NPRL3: variants seen among roughly 807,000 people sequenced by gnomAD.
NPRL3 encodes NPR3 like, GATOR1 complex subunit.
Under a neutral mutation model 57.2 loss-of-function variants are expected in NPRL3, and 23 were observed. That is an observed-to-expected ratio of 0.40 (90% CI 0.29 to 0.57). The LOEUF (loss-of-function observed/expected upper bound fraction) is 0.57. Among genes scored for constraint, NPRL3 ranks in the 20% least tolerant of loss-of-function variants. The probability of loss-of-function intolerance (pLI) is 0.42; values close to 1 mark genes in which losing one functional copy is unlikely to be tolerated. For missense variants in NPRL3, 691 were observed against 767.1 expected (o/e 0.90, Z 1.17); for synonymous variants, 333 against 321.1 (o/e 1.04, Z -0.39).
At chr16:115,800 C>G (rs1900007420) in intron 5 of NPRL3, among the ~76,000 whole-genome samples, 2 of 152,198 alleles carry the variant, frequency 1.3e-5, no homozygotes, top group East Asian at 1.9e-4. Flanking sequence ...TTGCTTTTAC[C>G]TGTCCGTAAT....
At chr16:89,315 G>A (rs565622187) in intron 12 of NPRL3, 52 of 265,544 alleles carry the variant, frequency 2.0e-4, no homozygotes, top group Admixed American at 1.1e-3. Flanking sequence ...CCTGGGGACC[G>A]GGGACCTGGG....
rs1426934964 is a variant in NPRL3 at position 85,656 on chromosome 16, C to G, written c.*1049G>C. The G allele has an allele frequency of 6.3e-7, 1 of 1,587,328 alleles. No individual in the cohort carries two copies. The highest frequency in any genetic ancestry group is 1.3e-5 in the African/African-American group (1 of 74,446). On this transcript the variant is annotated 3_prime_UTR_variant, in exon 14 of 14. Coordinates refer to ENST00000611875, the MANE Select transcript of NPRL3 (RefSeq NM_001077350.3). ...CCCAGTGAGCCGGCTGTAGTGGCAG[C>G]AGCCCGGGTGGGCGTCGGCCATGCA...
chr16:110,090 AG>A (rs1487640961), intron 7 of NPRL3, among the ~76,000 whole-genome samples: 1 of 152,130 alleles, frequency 6.6e-6, no homozygotes, highest in African/African-American at 2.4e-5. Context: ...ACCAACATGC[AG>A]AAACCCCGTC....
At chr16:89,598 G>A (rs1038186030) in intron 12 of NPRL3, 115 bp downstream of exon 12, 48 of 955,940 alleles carry the variant, frequency 5.0e-5, no homozygotes, top group South Asian at 1.2e-4. Context: ...GTGCATGTGC[G>A]TGTGCAGCTG....
chr16:109,299 GC>G (rs1287399493), intron 7 of NPRL3, among the ~76,000 whole-genome samples: 1 of 152,096 alleles, frequency 6.6e-6, no homozygotes, highest in Admixed American at 6.6e-5. Flanking sequence ...GTGATGCTCA[GC>G]CAATACAATC....
At chr16:115,211 G>C (rs1483515949) in intron 5 of NPRL3, among the ~76,000 whole-genome samples, 2 of 152,082 alleles carry the variant, frequency 1.3e-5, no homozygotes, top group Admixed American at 1.3e-4. Context: ...CTGGGCTCAA[G>C]TGATCCACCC....
At position 111,516 on chromosome 16, in the gene NPRL3, T is replaced by C. The variant is rs1034713579; in HGVS notation, c.548-910A>G. On this transcript the variant is annotated intron_variant, in intron 6 of 13. Transcript: ENST00000611875. ...CTTGCTGGAGTGCAGTGGTGCAATC[T>C]CAGCTCACCCCAACCTCCACCTCCC... Among the ~76,000 whole-genome samples, 3 of 152,048 alleles carry C rather than the reference T, an allele frequency of 2.0e-5. No homozygotes were observed. The East Asian group carries it at 5.8e-4, about 29-fold the overall frequency.
At chr16:108,969 CT>C (rs951008371) in intron 7 of NPRL3, among the ~76,000 whole-genome samples, 5 of 148,292 alleles carry the variant, frequency 3.4e-5, no homozygotes, top group Non-Finnish European at 4.5e-5. Flanking sequence ...CGCGCCCGGC[CT>C]TTTTTTTTTC....
intron 13 of NPRL3, among the ~76,000 whole-genome samples, 200 bp from the exon 14 acceptor site, chr16:87,070 GACC>G (rs1421123385): frequency 6.6e-6 from 1 of 152,228 alleles, no homozygotes; most frequent in Non-Finnish European, 1.5e-5. Context: ...CGGTCCCGCT[GACC>G]ACCAGGTGGG....
intron 7 of NPRL3, among the ~76,000 whole-genome samples, chr16:109,536 T>A (rs1279344438): frequency 6.6e-6 from 1 of 152,154 alleles, no homozygotes; most frequent in Non-Finnish European, 1.5e-5. Context: ...TTGCATCTGT[T>A]TGATTTAAAA....
chr16:111,664 A>G (rs887482184), intron 6 of NPRL3, among the ~76,000 whole-genome samples: 2 of 151,802 alleles, frequency 1.3e-5, no homozygotes, highest in African/African-American at 4.8e-5. Context: ...TGTTGCCCAC[A>G]CTGATCCTGA....
chr16:132,920 C>T (rs1199943424), intron 2 of NPRL3, among the ~76,000 whole-genome samples: 2 of 152,118 alleles, frequency 1.3e-5, no homozygotes, highest in Non-Finnish European at 2.9e-5. Context: ...CCGCCCACCT[C>T]GGCCTCCCAA....
intron 11 of NPRL3, among the ~76,000 whole-genome samples, chr16:91,393 T>C (rs533276885): frequency 4.0e-4 from 61 of 152,130 alleles, no homozygotes; most frequent in African/African-American, 1.0e-3. Flanking sequence ...AAACCAAAAA[T>C]AAAACAGAGG....
intron 7 of NPRL3, among the ~76,000 whole-genome samples, chr16:102,402 G>A (rs1427012041): frequency 6.6e-6 from 1 of 152,198 alleles, no homozygotes; most frequent in African/African-American, 2.4e-5. Context: ...GTCAAGGCCT[G>A]GCTACTCAAA....
intron 9 of NPRL3, among the ~76,000 whole-genome samples, chr16:95,287 T>C (rs1341754295): frequency 1.3e-5 from 2 of 149,240 alleles, no homozygotes; most frequent in Non-Finnish European, 3.0e-5. Flanking sequence ...TACAGCACGA[T>C]CCTAATTTTC....
At chr16:122,162 T>C (rs1033053983) in intron 3 of NPRL3, among the ~76,000 whole-genome samples, 4 of 151,926 alleles carry the variant, frequency 2.6e-5, no homozygotes, top group Non-Finnish European at 5.9e-5. Flanking sequence ...AATGGCGCAA[T>C]CTCGGCTCAC....
intron 13 of NPRL3, 64 bp from the exon 14 acceptor site, chr16:86,934 G>C: frequency 6.7e-7 from 1 of 1,502,930 alleles, no homozygotes; most frequent in African/African-American, 1.4e-5. Context: ...CTGCTGAAGA[G>C]CCACTGCTGG....
At chr16:125,164 A>C (rs914910366) in intron 3 of NPRL3, 1 of 154,510 alleles carries the variant, frequency 6.5e-6, no homozygotes, top group Non-Finnish European at 1.5e-5. Flanking sequence ...CTGGAAAGAG[A>C]AAGGAGACCT....
At chr16:115,010 C>G (rs959461672) in intron 5 of NPRL3, among the ~76,000 whole-genome samples, 2 of 151,296 alleles carry the variant, frequency 1.3e-5, no homozygotes, top group Non-Finnish European at 2.9e-5. Context: ...GGGTCTCACT[C>G]TCTTGCCCAA....
Sources: gnomAD v4.1 joint callset for allele counts (sites outside exome capture counted in the v4.1 genomes callset) on GRCh38, gnomAD v4.1.1 for gene constraint, MANE v1.5 for transcripts, NCBI Gene and HGNC (gene_info 2026-07-23, HGNC 2026-07-21) for gene names.